The following MARCHF8 variants were observed in gnomAD, a reference collection of about 807,000 sequenced individuals.
MARCHF8 encodes membrane associated ring-CH-type finger 8, also known as E3 ubiquitin-protein ligase MARCHF8.
A neutral mutation model predicts 51.6 loss-of-function variants in MARCHF8; 40 were observed. The ratio of observed to expected loss-of-function variants is 0.77; its 90% CI spans 0.60 to 1.01. MARCHF8 has a LOEUF of 1.01. Ranked by LOEUF, MARCHF8 falls within the 50% of genes least tolerant of loss-of-function variation. The pLI, the probability that MARCHF8 is intolerant of heterozygous loss-of-function variation, is 0.00. For synonymous variants in MARCHF8, 263 were observed against 280.3 expected (o/e 0.94, Z 0.62); for missense variants, 685 against 708.6 (o/e 0.97, Z 0.38).
intron 2 of MARCHF8, among the ~76,000 whole-genome samples, chr10:45,525,819 G>A (rs1238210665): frequency 6.6e-6 from 1 of 152,140 alleles, no homozygotes; most frequent in Non-Finnish European, 1.5e-5. Flanking sequence ...TCCCATAGAA[G>A]GACATTCCAC....
At chr10:45,542,868 TAATA>T (rs1469629547) in intron 1 of MARCHF8, among the ~76,000 whole-genome samples, 2 of 152,284 alleles carry the variant, frequency 1.3e-5, no homozygotes, top group African/African-American at 4.8e-5. Flanking sequence ...TTATTTAAGA[TAATA>T]AATAAAGAGG....
At chr10:45,579,785 G>A (rs1463805048) in intron 1 of MARCHF8, among the ~76,000 whole-genome samples, 1 of 151,972 alleles carries the variant, frequency 6.6e-6, no homozygotes, top group African/African-American at 2.4e-5. Flanking sequence ...AGGCAGAGGT[G>A]GGTGGATTAC....
chr10:45,472,719 C>T (rs2042715314), intron 3 of MARCHF8, among the ~76,000 whole-genome samples: 1 of 152,138 alleles, frequency 6.6e-6, no homozygotes, highest in Non-Finnish European at 1.5e-5. Context: ...GAGACTGAAC[C>T]AAACTTCAGC....
chr10:45,581,594 A>C (rs901381110), intron 1 of MARCHF8, among the ~76,000 whole-genome samples: 2 of 152,202 alleles, frequency 1.3e-5, no homozygotes, highest in Admixed American at 1.3e-4. Flanking sequence ...TTCTTCAAAG[A>C]CTGCTTCACA....
At chr10:45,504,927 G>A (rs919114729) in intron 2 of MARCHF8, among the ~76,000 whole-genome samples, 2 of 152,198 alleles carry the variant, frequency 1.3e-5, no homozygotes, top group East Asian at 1.9e-4. Flanking sequence ...TAACAATTCC[G>A]ACATTCTACA....
chr10:45,575,589 G>A (rs370212932), intron 1 of MARCHF8, among the ~76,000 whole-genome samples: 8 of 151,882 alleles, frequency 5.3e-5, no homozygotes, highest in South Asian at 2.1e-4. Context: ...TCCTAATCCC[G>A]CCCTGAGAAA....
chr10:45,591,172 G>A (rs1057475837), intron 1 of MARCHF8, among the ~76,000 whole-genome samples: 5 of 152,084 alleles, frequency 3.3e-5, no homozygotes, highest in African/African-American at 1.2e-4. Flanking sequence ...CTCTCTTTTC[G>A]GACTCAGTCT....
chr10:45,479,661 C>A (rs1366941896), intron 3 of MARCHF8, among the ~76,000 whole-genome samples: 1 of 152,214 alleles, frequency 6.6e-6, no homozygotes, highest in Non-Finnish European at 1.5e-5. Context: ...TCTCCCTTGT[C>A]TGCCGCCATG....
chr10:45,557,206 C>T (rs1433691642), intron 1 of MARCHF8, among the ~76,000 whole-genome samples: 1 of 142,508 alleles, frequency 7.0e-6, no homozygotes, highest in Middle Eastern at 4.3e-3. Flanking sequence ...CGGCTCACTG[C>T]AACCTCCGCC....
chr10:45,515,756 G>A (rs145496243), intron 2 of MARCHF8, among the ~76,000 whole-genome samples: 9 of 152,270 alleles, frequency 5.9e-5, no homozygotes, highest in South Asian at 2.1e-4. Context: ...GTGTGATGCC[G>A]TGTTGTCTAG....
intron 1 of MARCHF8, among the ~76,000 whole-genome samples, chr10:45,568,716 A>C (rs2044393625): frequency 4.2e-5 from 1 of 23,766 alleles, no homozygotes; most frequent in Non-Finnish European, 9.9e-5. Context: ...AGACTGTTTC[A>C]AAAAAAAAAA....
intron 1 of MARCHF8, among the ~76,000 whole-genome samples, chr10:45,591,796 C>G (rs146055251): frequency 6.6e-6 from 1 of 152,258 alleles, no homozygotes; most frequent in East Asian, 1.9e-4. Flanking sequence ...AAAGTGTATG[C>G]TTTGTAGAAC....
At chr10:45,507,812 A>AG (rs1209356695) in intron 2 of MARCHF8, among the ~76,000 whole-genome samples, 1 of 85,842 alleles carries the variant, frequency 1.2e-5, no homozygotes, top group Non-Finnish European at 2.7e-5. Context: ...CTCAGTTTTG[A>AG]AAAAAAAAAA....
At chr10:45,524,213 C>A (rs912995937) in intron 2 of MARCHF8, among the ~76,000 whole-genome samples, 1 of 152,130 alleles carries the variant, frequency 6.6e-6, no homozygotes, top group Non-Finnish European at 1.5e-5. Flanking sequence ...TCTCTTTATT[C>A]TCAAAGAAAA....
chr10:45,459,094 G>A (rs1439624175), intron 7 of MARCHF8, 26 bp downstream of exon 7: 3 of 1,613,460 alleles, frequency 1.9e-6, no homozygotes, highest in South Asian at 1.1e-5. Context: ...CCCCCATGCT[G>A]AGCTTGCTCC....
chr10:45,474,652 C>A (rs2042753890), intron 3 of MARCHF8, among the ~76,000 whole-genome samples: 1 of 152,190 alleles, frequency 6.6e-6, no homozygotes, highest in Non-Finnish European at 1.5e-5. Flanking sequence ...TGGTACTTAC[C>A]TCCTCTACAA....
At chr10:45,552,947 T>C (rs1408468497) in intron 1 of MARCHF8, among the ~76,000 whole-genome samples, 1 of 152,196 alleles carries the variant, frequency 6.6e-6, no homozygotes, top group Non-Finnish European at 1.5e-5. Flanking sequence ...AAGTAAGAAG[T>C]TACTATTTCT....
At chr10:45,589,465 C>A (rs1276412899) in intron 1 of MARCHF8, among the ~76,000 whole-genome samples, 1 of 152,140 alleles carries the variant, frequency 6.6e-6, no homozygotes. Flanking sequence ...TAGTTTTTAG[C>A]AAATGCACAG....
intron 1 of MARCHF8, among the ~76,000 whole-genome samples, chr10:45,571,339 G>A (rs763866473): frequency 8.1e-4 from 123 of 152,094 alleles, no homozygotes; most frequent in East Asian, 5.8e-4. Flanking sequence ...GGCTCATCCT[G>A]GCTCAAAAGC....
Sources: allele counts gnomAD v4.1 joint callset (sites outside exome capture counted in the v4.1 genomes callset), GRCh38; gene constraint gnomAD v4.1.1; transcripts MANE v1.5; gene names NCBI Gene and HGNC (gene_info 2026-07-23, HGNC 2026-07-21).